The following ALPK2 variants were observed in gnomAD, a reference collection of about 807,000 sequenced individuals.
The protein encoded by ALPK2 is alpha kinase 2, also known as alpha-protein kinase 2.
In ALPK2, 127 loss-of-function variants were observed where a neutral mutation model predicts 163.1. The observed-to-expected ratio is 0.78, with a 90% CI of 0.67 to 0.90. The LOEUF is 0.90. Ranked by LOEUF, ALPK2 falls within the 40% of genes least tolerant of loss-of-function variation. The pLI, the probability that ALPK2 is intolerant of heterozygous loss-of-function variation, is 0.00. For synonymous variants in ALPK2, 953 were observed against 959.1 expected (o/e 0.99, Z 0.12); for missense variants, 2,360 against 2,589.6 (o/e 0.91, Z 1.92).
intron 2 of ALPK2, among the ~76,000 whole-genome samples, chr18:58,610,812 G>A (rs1010070070): frequency 5.3e-5 from 8 of 151,456 alleles, no homozygotes; most frequent in Non-Finnish European, 8.8e-5. Flanking sequence ...TTAGCCAGGC[G>A]AGCCAGCCGC....
At chr18:58,614,565 G>A (rs1568102004) in intron 1 of ALPK2, among the ~76,000 whole-genome samples, 1 of 152,164 alleles carries the variant, frequency 6.6e-6, no homozygotes, top group Non-Finnish European at 1.5e-5. Context: ...TAGGTTACGG[G>A]TACATTTGGT....
At chr18:58,521,212 G>T (rs894123715) in intron 8 of ALPK2, among the ~76,000 whole-genome samples, 1 of 152,132 alleles carries the variant, frequency 6.6e-6, no homozygotes, top group South Asian at 2.1e-4. Flanking sequence ...GGGCTATAGC[G>T]GTGGTACCAT....
At chr18:58,505,215 C>T (rs891768653) in intron 10 of ALPK2, among the ~76,000 whole-genome samples, 6 of 152,002 alleles carry the variant, frequency 3.9e-5, no homozygotes, top group South Asian at 2.1e-4. Flanking sequence ...GGAGCTGGAG[C>T]GGTGATCAGA....
chr18:58,509,730 T>G (rs2051480268), intron 10 of ALPK2, among the ~76,000 whole-genome samples: 1 of 152,030 alleles, frequency 6.6e-6, no homozygotes, highest in South Asian at 2.1e-4. Context: ...TTGATGGGGT[T>G]GTTTGTTTTT....
At chr18:58,541,763 T>C (rs564772812) in intron 4 of ALPK2, among the ~76,000 whole-genome samples, 3 of 152,136 alleles carry the variant, frequency 2.0e-5, no homozygotes, top group African/African-American at 7.2e-5. Context: ...TTTTAACCAA[T>C]GGGGTTTTTT....
intron 11 of ALPK2, among the ~76,000 whole-genome samples, chr18:58,499,840 G>A (rs1484643859): frequency 1.3e-5 from 2 of 152,208 alleles, no homozygotes; most frequent in Non-Finnish European, 2.9e-5. Context: ...GCTGTGGAAA[G>A]AAAAAAACTC....
At position 58,544,453 on chromosome 18, in the gene ALPK2, C is replaced by A. The variant is rs78127836; in HGVS notation, c.1963-6229G>T. 9.6e-4 allele frequency: 146 copies of A among 152,284 alleles called. 1 individual carries two copies. The highest frequency in any genetic ancestry group is 3.4e-3 in the African/African-American group (143 of 41,546). The allele number at this position is 152,284 out of a possible 1,614,324, so 9.4% of individuals were successfully genotyped here. A position where few individuals can be genotyped will look rare whatever the true frequency, so the allele number is the denominator to read the frequency against. On this transcript the variant is annotated intron_variant, in intron 4 of 12. Coordinates refer to ENST00000361673, the MANE Select transcript of ALPK2 (RefSeq NM_052947.4). Reference sequence around the variant, plus strand: ...AAGTGCATGACACTAATTTGAGTCACTAACAATAGAAGGTTGTATGAGATA... The same window carrying A: ...AAGTGCATGACACTAATTTGAGTCAATAACAATAGAAGGTTGTATGAGATA...
At chr18:58,595,007 C>G (rs28576199) in intron 3 of ALPK2, among the ~76,000 whole-genome samples, 9,322 of 152,270 alleles carry the variant, frequency 0.061, 709 homozygotes, top group African/African-American at 0.18. Flanking sequence ...CAGAAACCCT[C>G]TTATGTGTCT....
At chr18:58,546,098 C>G (rs2051716212) in intron 4 of ALPK2, among the ~76,000 whole-genome samples, 1 of 152,194 alleles carries the variant, frequency 6.6e-6, no homozygotes, top group South Asian at 2.1e-4. Context: ...AAAGAAGCTT[C>G]TCTTGAAGGC....
Position 58,580,166 on chromosome 18 carries a change from C to T in ALPK2, c.610G>A (p.Asp204Asn), listed in dbSNP as rs1293644043. ...GCAATTTCTTCTGTGTTACTTGGAT[C>T]ATAAGCCTCTCCAGTGTGCCTTGTT... ...KGTRHTGEAYDPSNTEEIANG... is the reference protein window; with the variant it reads ...KGTRHTGEAYNPSNTEEIANG... Residue 204 changes from aspartate to asparagine, a missense_variant, in exon 4 of 13, where the codon GAT (aspartate) becomes AAT (asparagine). Physicochemically the swap from Asp to Asn is conservative, Grantham distance 23. Transcript: ENST00000361673. 4.3e-6 allele frequency: 7 copies of T among 1,614,226 alleles called. No individual in the cohort carries two copies.
intron 10 of ALPK2, among the ~76,000 whole-genome samples, chr18:58,511,306 T>C: frequency 6.6e-6 from 1 of 152,212 alleles, no homozygotes; most frequent in East Asian, 1.9e-4. Flanking sequence ...TATTGAGGAT[T>C]TTTGCATCGA....
At chr18:58,587,163 A>T (rs2051991574) in intron 3 of ALPK2, among the ~76,000 whole-genome samples, 1 of 152,204 alleles carries the variant, frequency 6.6e-6, no homozygotes, top group African/African-American at 2.4e-5. Context: ...GGTTCCAGGC[A>T]TCTAAGGAAA....
chr18:58,515,635 A>G (rs1231772080), intron 9 of ALPK2, among the ~76,000 whole-genome samples: 1 of 152,232 alleles, frequency 6.6e-6, no homozygotes, highest in African/African-American at 2.4e-5. Context: ...GAGAGAAAAG[A>G]AAAAAGCAGA....
Position 58,481,751 on chromosome 18 carries a change from C to T in ALPK2, c.*72G>A, listed in dbSNP as rs950152212. On this transcript the variant is annotated 3_prime_UTR_variant, in exon 13 of 13. Transcript: ENST00000361673. ...CTCTCTGCAGGCTGTATATTCTCTC[C>T]TGTGTGGCCTCAGATTTTCCCTGGC... 26 of 1,262,290 alleles carry T rather than the reference C, an allele frequency of 2.1e-5. No homozygotes were observed. Among genetic ancestry groups the T allele is most frequent in the African/African-American group, 6.0e-5 (4 of 67,066 alleles). 78.2% of individuals were successfully genotyped at this position (1,262,290 alleles called of 1,614,324 possible).
At chr18:58,528,197 C>CA (rs1259615301) in intron 6 of ALPK2, among the ~76,000 whole-genome samples, 1 of 152,166 alleles carries the variant, frequency 6.6e-6, no homozygotes, top group South Asian at 2.1e-4. Context: ...CAATGATTCT[C>CA]ACGCTCATCT....
chr18:58,535,728 C>A lies in ALPK2; in HGVS notation c.4459G>T (p.Ala1487Ser). The change falls in exon 5 of 13, where the codon GCA becomes TCA. Residue 1487 changes from alanine to serine, a missense_variant. Transcript: ENST00000361673. ...QEAEQIQPEE[A>S]KTAIWQVLQP... is the part of the protein sequence containing the mutation. ...AGGACTTGCCAAATGGCAGTTTTTG[C>A]CTCCTCAGGTTGAATTTGTTCAGCC... 6.2e-7 allele frequency: 1 copy of A among 1,614,228 alleles called. No individual in the cohort carries two copies.
Position 58,536,881 on chromosome 18 carries a change from C to T in ALPK2, c.3306G>A (p.Gln1102=). 6.2e-7 allele frequency: 1 copy of T among 1,614,190 alleles called. No homozygotes were observed. The highest frequency in any genetic ancestry group is 8.5e-7 in the Non-Finnish European group (1 of 1,180,036). The part of the protein sequence containing the change: ...GEGFCSNSPL[Q]VDNLSGDKSQ... ...TCTTATCTCCAGACAGGTTATCAAC[C>T]TGAAGAGGGGAATTACTGCAGAAAC... Residue 1102 remains glutamine (Q), a synonymous_variant, in exon 5 of 13, where the codon CAG becomes CAA. Transcript: ENST00000361673.
At chr18:58,553,850 GTTTTTTTTTTTT>G (rs71173061) in intron 4 of ALPK2, among the ~76,000 whole-genome samples, 15 of 74,012 alleles carry the variant, frequency 2.0e-4, no homozygotes, top group Non-Finnish European at 3.5e-4. Context: ...TTTTTTTTTG[GTTTTTTTTTTTT>G]TTTTTTTTTT....
At chr18:58,488,654 A>G (rs930944947) in intron 12 of ALPK2, among the ~76,000 whole-genome samples, 1 of 151,904 alleles carries the variant, frequency 6.6e-6, no homozygotes, top group Non-Finnish European at 1.5e-5. Flanking sequence ...GCCAACCAGA[A>G]GCTACATTGA....
Sources: allele counts gnomAD v4.1 joint callset (sites outside exome capture counted in the v4.1 genomes callset), GRCh38; gene constraint gnomAD v4.1.1; transcripts MANE v1.5; gene names NCBI Gene and HGNC (gene_info 2026-07-23, HGNC 2026-07-21).